Variants in ARHGAP15 observed in about 807,000 individuals in gnomAD.
ARHGAP15 encodes rho GTPase-activating protein 15.
In ARHGAP15, 51 loss-of-function variants were observed where a neutral mutation model predicts 63.7. That is an observed-to-expected ratio of 0.80 (90% CI 0.64 to 1.01). The LOEUF is 1.01. Ranked by LOEUF, ARHGAP15 falls within the 50% of genes least tolerant of loss-of-function variation. The probability of loss-of-function intolerance (pLI) is 0.00; values close to 1 mark genes in which losing one functional copy is unlikely to be tolerated. For synonymous variants in ARHGAP15, 191 were observed against 193.8 expected, an observed-to-expected ratio of 0.99 and a Z score of 0.12; for missense variants, 560 against 564.6, an observed-to-expected ratio of 0.99 and a Z score of 0.08.
At chr2:143,423,476 G>T (rs147189793) in intron 6 of ARHGAP15, among the ~76,000 whole-genome samples, 4 of 152,238 alleles carry the variant, frequency 2.6e-5, no homozygotes, top group South Asian at 2.1e-4. Context: ...TTGGCTGAAT[G>T]CAGGGACATG....
intron 13 of ARHGAP15, chr2:143,766,619 T>A (rs1014816575): frequency 1.3e-5 from 2 of 152,188 alleles, no homozygotes; most frequent in Non-Finnish European, 2.9e-5. Context: ...CTTCCATCTG[T>A]GAAATTGTCA....
chr2:143,632,590 G>T (rs1680098119), intron 12 of ARHGAP15, among the ~76,000 whole-genome samples: 1 of 152,050 alleles, frequency 6.6e-6, no homozygotes, highest in African/African-American at 2.4e-5. Context: ...CAGACTATTA[G>T]CCACCAAAAG....
At position 143,755,274 on chromosome 2, in the gene ARHGAP15, T is replaced by TGGG. The variant is rs11298875; in HGVS notation, c.1245-12706_1245-12704dup. The stretch of plus-strand genomic sequence containing the variant: ...GCTCCCAATGCTTTGCCAGCATATA[T>TGGG]GGGGGGGGGGGATCTATACCAAATA... On this transcript the variant is annotated intron_variant, in intron 13 of 13. Transcript: ENST00000295095. 1.5e-3 allele frequency among the ~76,000 whole-genome samples: 200 copies of TGGG among 134,282 alleles called. 2 individuals are homozygous for TGGG. Among genetic ancestry groups the TGGG allele is most frequent in the African/African-American group, 5.3e-3 (193 of 36,440 alleles). The allele number at this position is 134,282 out of a possible 152,430, so 88.1% of individuals were successfully genotyped here.
rs1394907534 is a variant in ARHGAP15 at position 143,436,993 on chromosome 2, C to T, written c.654C>T (p.His218=). 1 of 1,609,228 alleles carries T rather than the reference C, an allele frequency of 6.2e-7. No homozygotes were observed. The highest frequency in any genetic ancestry group is 1.7e-5 in the Admixed American group (1 of 58,854). Residue 218 remains histidine, a synonymous_variant, in exon 8 of 14, where the codon CAC becomes CAT. Transcript: ENST00000295095. ...QRSSSTELLS[H]YDSDIKEQKP... The stretch of plus-strand genomic sequence containing the variant: ...CCTCTAGCACTGAATTGCTAAGTCA[C>T]TACGACAGTGATATAAAAGAACAGA...
Position 143,624,141 on chromosome 2 carries a change from C to G in ARHGAP15, c.1012C>G (p.Leu338Val), listed in dbSNP as rs375012630. 6.2e-7 allele frequency: 1 copy of G among 1,613,288 alleles called. No homozygotes were observed. Among genetic ancestry groups the G allele is most frequent in the Non-Finnish European group, 8.5e-7 (1 of 1,179,522 alleles). The part of the protein sequence containing the change: ...LRFIVNQEEK[L>V]NLDDSQWEDI... Reference sequence around the variant, plus strand: ...TCCTCGTGTTTTCCCAGAAGAGAAGCTGAATTTGGACGACAGCCAGTGGGA... The same window carrying G: ...TCCTCGTGTTTTCCCAGAAGAGAAGGTGAATTTGGACGACAGCCAGTGGGA... The change falls in exon 12 of 14, where the codon CTG (leucine) becomes GTG (valine). Residue 338 changes from leucine (L) to valine (V), a missense_variant. Leu to Val is a conservative substitution (Grantham distance 32). Transcript: ENST00000295095.
chr2:143,376,413 T>G (rs1686808615), intron 6 of ARHGAP15, among the ~76,000 whole-genome samples: 1 of 152,186 alleles, frequency 6.6e-6, no homozygotes, highest in South Asian at 2.1e-4. Context: ...TAGAATCAAT[T>G]CACTGCAGCC....
At chr2:143,692,221 G>A (rs186544881) in intron 12 of ARHGAP15, among the ~76,000 whole-genome samples, 22 of 152,238 alleles carry the variant, frequency 1.4e-4, no homozygotes, top group African/African-American at 5.3e-4. Context: ...GGCAGGGAGG[G>A]TAGGGTTAGA....
intron 10 of ARHGAP15, among the ~76,000 whole-genome samples, chr2:143,547,884 A>G (rs575498578): frequency 3.8e-4 from 58 of 152,128 alleles, no homozygotes; most frequent in African/African-American, 1.2e-3. Context: ...AAGATAGCCA[A>G]TCACTCTCCT....
At chr2:143,145,311 A>T (rs776568068) in intron 1 of ARHGAP15, among the ~76,000 whole-genome samples, 1 of 152,004 alleles carries the variant, frequency 6.6e-6, no homozygotes, top group Non-Finnish European at 1.5e-5. Flanking sequence ...CACCTTATTT[A>T]CAAGTCCCAG....
At chr2:143,664,484 AC>A (rs1277123920) in intron 12 of ARHGAP15, among the ~76,000 whole-genome samples, 4 of 152,110 alleles carry the variant, frequency 2.6e-5, no homozygotes, top group African/African-American at 9.7e-5. Flanking sequence ...CAAAATTGGC[AC>A]CCTAACATCA....
chr2:143,399,037 A>G (rs1011189602), intron 6 of ARHGAP15, among the ~76,000 whole-genome samples: 1 of 152,070 alleles, frequency 6.6e-6, no homozygotes, highest in African/African-American at 2.4e-5. Context: ...TCCCAACTGT[A>G]GTGTTTTGAA....
intron 11 of ARHGAP15, among the ~76,000 whole-genome samples, chr2:143,620,279 CT>C (rs1698601151): frequency 6.6e-6 from 1 of 152,120 alleles, no homozygotes; most frequent in Non-Finnish European, 1.5e-5. Context: ...TTCATATGGT[CT>C]TTTTCCTACT....
intron 12 of ARHGAP15, among the ~76,000 whole-genome samples, chr2:143,666,746 G>A (rs13012558): frequency 0.66 from 86,557 of 131,504 alleles, 30,693 homozygotes; most frequent in Non-Finnish European, 0.76. Context: ...AACCCCATCA[G>A]AAAGTGGGCT....
intron 12 of ARHGAP15, 108 bp from the exon 13 acceptor site, chr2:143,703,311 C>G: frequency 1.4e-6 from 1 of 693,610 alleles, no homozygotes; most frequent in Non-Finnish European, 2.4e-6. Context: ...GACTAGGACT[C>G]TTAGTTGCTA....
intron 2 of ARHGAP15, chr2:143,171,963 G>C (rs990445658): frequency 6.6e-6 from 1 of 151,988 alleles, no homozygotes; most frequent in Non-Finnish European, 1.5e-5. Flanking sequence ...ACCATCTTTA[G>C]AATGTAGTTT....
intron 13 of ARHGAP15, among the ~76,000 whole-genome samples, chr2:143,750,956 G>A (rs1438913194): frequency 6.6e-6 from 1 of 152,162 alleles, no homozygotes; most frequent in Non-Finnish European, 1.5e-5. Flanking sequence ...TGAACACAAG[G>A]CTGTTCAGAT....
At chr2:143,742,967 G>A (rs1319913760) in intron 13 of ARHGAP15, among the ~76,000 whole-genome samples, 1 of 152,202 alleles carries the variant, frequency 6.6e-6, no homozygotes, top group Non-Finnish European at 1.5e-5. Context: ...AACCCAGGCT[G>A]GGGTTAAGTG....
chr2:143,228,564 T>C lies in ARHGAP15; in HGVS notation c.297-17T>C. ...AACTGATAATGCTTTCTTTCCCTTTTATTTTTTTGTCCTAAGGAAAAACTG... is the reference window on the plus strand; with the variant it reads ...AACTGATAATGCTTTCTTTCCCTTTCATTTTTTTGTCCTAAGGAAAAACTG... On this transcript the variant is annotated splice_polypyrimidine_tract_variant and intron_variant, in intron 4 of 13. Coordinates refer to ENST00000295095, the MANE Select transcript of ARHGAP15 (RefSeq NM_018460.4). 1 of 1,561,276 alleles carries C rather than the reference T, an allele frequency of 6.4e-7. No homozygotes were observed.
intron 6 of ARHGAP15, among the ~76,000 whole-genome samples, chr2:143,433,108 G>C (rs1034504469): frequency 1.3e-5 from 2 of 152,004 alleles, no homozygotes; most frequent in Admixed American, 1.3e-4. Flanking sequence ...TTCCCCAAGA[G>C]TGTTGGAAAT....
Sources: allele counts gnomAD v4.1 joint callset (sites outside exome capture counted in the v4.1 genomes callset), GRCh38; gene constraint gnomAD v4.1.1; transcripts MANE v1.5; gene names NCBI Gene and HGNC (gene_info 2026-07-23, HGNC 2026-07-21).